The following CFAP54 variants were observed in gnomAD, a reference collection of about 807,000 sequenced individuals.
CFAP54 encodes cilia- and flagella-associated protein 54.
CFAP54 carries 290 observed loss-of-function variants against 370.4 expected under a neutral mutation model. That is an observed-to-expected ratio of 0.78 (90% CI 0.71 to 0.86). The LOEUF is 0.86. Among genes scored for constraint, CFAP54 ranks in the 40% least tolerant of loss-of-function variants. The probability of loss-of-function intolerance (pLI) is 0.00; values close to 1 mark genes in which losing one functional copy is unlikely to be tolerated. For missense variants in CFAP54, 3,399 were observed against 3,528.7 expected (o/e 0.96, Z 0.93); for synonymous variants, 1,206 against 1,236.5 (o/e 0.98, Z 0.52).
intron 66 of CFAP54, among the ~76,000 whole-genome samples, chr12:96,836,828 A>T (rs1452183049): frequency 6.6e-6 from 1 of 152,058 alleles, no homozygotes; most frequent in Non-Finnish European, 1.5e-5. Context: ...TTTTTAAATT[A>T]TGTTTTTTGT....
chr12:96,533,780 T>C lies in CFAP54; in HGVS notation c.1358-12T>C. On this transcript the variant is annotated splice_polypyrimidine_tract_variant and intron_variant, in intron 9 of 67. Transcript: ENST00000524981. ...ATGAGTGATATTCAAAACTCTCTTCTTCCTTTCCTAGTGTCAAATATTGGT... is the reference window on the plus strand; with the variant it reads ...ATGAGTGATATTCAAAACTCTCTTCCTCCTTTCCTAGTGTCAAATATTGGT... The C allele has an allele frequency of 1.3e-6, 2 of 1,497,298 alleles. No individual in the cohort carries two copies. The highest frequency in any genetic ancestry group is 2.5e-5 in the East Asian group (1 of 40,526). The allele number at this position is 1,497,298 out of a possible 1,614,324, so 92.8% of individuals were successfully genotyped here.
At chr12:96,606,891 C>T (rs1368178266) in intron 26 of CFAP54, among the ~76,000 whole-genome samples, 1 of 152,260 alleles carries the variant, frequency 6.6e-6, no homozygotes. Flanking sequence ...CCTCAAAGAA[C>T]GTCCATATCT....
At chr12:96,584,612 T>C (rs530242325) in intron 22 of CFAP54, among the ~76,000 whole-genome samples, 1 of 151,772 alleles carries the variant, frequency 6.6e-6, no homozygotes, top group Admixed American at 6.6e-5. Flanking sequence ...ATATGCTAGA[T>C]GTCATCACTT....
chr12:96,531,728 G>A (rs370711451), intron 9 of CFAP54, among the ~76,000 whole-genome samples: 2 of 151,834 alleles, frequency 1.3e-5, no homozygotes, highest in East Asian at 3.9e-4. Flanking sequence ...TGTTATTTTT[G>A]TTGTTTGTTT....
intron 56 of CFAP54, among the ~76,000 whole-genome samples, chr12:96,755,934 G>A (rs1379343446): frequency 6.8e-6 from 1 of 147,726 alleles, no homozygotes; most frequent in Admixed American, 6.7e-5. Context: ...CCAAAGTGCT[G>A]GGATTACAAG....
intron 35 of CFAP54, among the ~76,000 whole-genome samples, chr12:96,651,292 C>T (rs1295463808): frequency 6.6e-6 from 1 of 152,198 alleles, no homozygotes; most frequent in Non-Finnish European, 1.5e-5. Context: ...CCCTTGCTCG[C>T]TGCTGAATTC....
chr12:96,843,854 G>A (rs1049413503), intron 66 of CFAP54, among the ~76,000 whole-genome samples: 1 of 152,156 alleles, frequency 6.6e-6, no homozygotes, highest in Non-Finnish European at 1.5e-5. Flanking sequence ...CTAAGAGGCT[G>A]CCTGGAGTAG....
At chr12:96,736,317 C>T (rs982883864) in intron 50 of CFAP54, among the ~76,000 whole-genome samples, 2 of 152,144 alleles carry the variant, frequency 1.3e-5, no homozygotes, top group Admixed American at 6.5e-5. Flanking sequence ...ACTTCTAATG[C>T]CCCAAATTTA....
At chr12:96,648,580 C>CTTTTTTTTTTTT (rs11303164) in intron 34 of CFAP54, among the ~76,000 whole-genome samples, 1 of 58,666 alleles carries the variant, frequency 1.7e-5, no homozygotes, top group Non-Finnish European at 3.0e-5. Context: ...AAACAGGGTT[C>CTTTTTTTTTTTT]TTTTTTTTTT....
Position 96,836,963 on chromosome 12 carries a change from G to A in CFAP54, c.9171+7875G>A, listed in dbSNP as rs147659498. 3.4e-3 allele frequency among the ~76,000 whole-genome samples: 522 copies of A among 152,138 alleles called. 4 individuals are homozygous for A. Among genetic ancestry groups the A allele is most frequent in the African/African-American group, 0.012 (494 of 41,506 alleles). On this transcript the variant is annotated intron_variant, in intron 66 of 67. Coordinates refer to ENST00000524981, the MANE Select transcript of CFAP54 (RefSeq NM_001306084.2). ...CTGCCTCAGTCTTCTGATTAGCTAG[G>A]ACTATAGGCACATGCCACCATGCCC... is the stretch of plus-strand genomic sequence containing the variant.
chr12:96,623,879 A>G lies in CFAP54; in HGVS notation c.3884A>G (p.Gln1295Arg). 6.6e-7 allele frequency: 1 copy of G among 1,519,664 alleles called. No homozygotes were observed. Among genetic ancestry groups the G allele is most frequent in the South Asian group, 1.2e-5 (1 of 82,436 alleles). 94.1% of individuals were successfully genotyped at this position (1,519,664 alleles called of 1,614,324 possible). A position where few individuals can be genotyped will look rare whatever the true frequency, so the allele number is the denominator to read the frequency against. Reference sequence around the variant, plus strand: ...ACACACCTACTCAAACTGACAAAGCAATGTAATCATTTGTTTTCTGTATAC... The same window carrying G: ...ACACACCTACTCAAACTGACAAAGCGATGTAATCATTTGTTTTCTGTATAC... ...LETHLLKLTK[Q>R]YVTSELSGGE... is the part of the protein sequence containing the mutation. The change falls in exon 28 of 68, where the codon CAA becomes CGA. Residue 1295 changes from glutamine to arginine, a missense_variant and splice_region_variant. This residue lies in a region of CFAP54 where 2,796 missense variants were observed against 2,869.7 expected (regional missense o/e 0.97). Transcript: ENST00000524981.
chr12:96,569,189 G>C lies in CFAP54; in HGVS notation c.2619+4424G>C, dbSNP rs185968564. Among the ~76,000 whole-genome samples the C allele has an allele frequency of 3.9e-5, 6 of 152,216 alleles. No homozygotes were observed. The East Asian group carries it at 9.6e-4, about 24-fold the overall frequency. On this transcript the variant is annotated intron_variant, in intron 19 of 67. Transcript: ENST00000524981. ...AGAAATGCTCCTCCATCCAAGTGTT[G>C]GCGGTTTTGAGGATGCTGTTGTTTT...
intron 50 of CFAP54, among the ~76,000 whole-genome samples, chr12:96,735,556 A>G (rs1592733150): frequency 6.6e-6 from 1 of 152,226 alleles, no homozygotes; most frequent in African/African-American, 2.4e-5. Context: ...GTTTGGGCTC[A>G]GTGTAAATAA....
At chr12:96,737,700 G>A (rs1342944468) in intron 50 of CFAP54, among the ~76,000 whole-genome samples, 2 of 151,992 alleles carry the variant, frequency 1.3e-5, no homozygotes, top group Admixed American at 6.6e-5. Flanking sequence ...GTGTTGACCA[G>A]GCTGATCTCG....
At chr12:96,569,626 C>T (rs1400454041) in intron 19 of CFAP54, among the ~76,000 whole-genome samples, 2 of 152,134 alleles carry the variant, frequency 1.3e-5, no homozygotes, top group Non-Finnish European at 2.9e-5. Context: ...TTTGTAGGAA[C>T]CTAAACAAAT....
chr12:96,503,257 C>A (rs190095445), intron 2 of CFAP54, among the ~76,000 whole-genome samples: 1 of 138,572 alleles, frequency 7.2e-6, no homozygotes, highest in Non-Finnish European at 1.5e-5. Context: ...CTCTCTTTCA[C>A]TTCCTTTCTT....
At chr12:96,829,305 G>T (rs1162695793) in intron 66 of CFAP54, among the ~76,000 whole-genome samples, 1 of 151,832 alleles carries the variant, frequency 6.6e-6, no homozygotes. Context: ...CTATAAAGAG[G>T]GTAATTTTTA....
chr12:96,784,352 T>C (rs1327871840), intron 60 of CFAP54, among the ~76,000 whole-genome samples: 3 of 152,150 alleles, frequency 2.0e-5, no homozygotes, highest in African/African-American at 7.2e-5. Context: ...TTTTTAGTGA[T>C]GCTAAAAATT....
At chr12:96,870,434 G>T (rs1191701943) in intron 67 of CFAP54, among the ~76,000 whole-genome samples, 1 of 152,056 alleles carries the variant, frequency 6.6e-6, no homozygotes, top group African/African-American at 2.4e-5. Context: ...CTATGACATC[G>T]GATAGTCCTG....
Sources: allele counts gnomAD v4.1 joint callset (sites outside exome capture counted in the v4.1 genomes callset), GRCh38; gene constraint gnomAD v4.1.1; regional missense constraint gnomAD v4.1.1; transcripts MANE v1.5; gene names NCBI Gene and HGNC (gene_info 2026-07-23, HGNC 2026-07-21).